Variants in TMC1 observed in about 807,000 individuals in gnomAD.
The protein encoded by TMC1 is transmembrane channel-like protein 1.
A neutral mutation model predicts 105.8 loss-of-function variants in TMC1; 84 were observed. That is an observed-to-expected ratio of 0.79 (90% confidence interval 0.67 to 0.95). The LOEUF (loss-of-function observed/expected upper bound fraction) is 0.95. Ranked by LOEUF, TMC1 falls within the 40% of genes least tolerant of loss-of-function variation. The pLI is 0.00. For missense variants in TMC1, 817 were observed against 914.1 expected (o/e 0.89, Z 1.37); for synonymous variants, 315 against 311.5 (o/e 1.01, Z -0.12).
intron 1 of TMC1, among the ~76,000 whole-genome samples, chr9:72,551,075 A>G (rs569545663): frequency 9.9e-5 from 15 of 152,272 alleles, no homozygotes; most frequent in Non-Finnish European, 1.8e-4. Flanking sequence ...AGATGGAGGA[A>G]GGGGCTGAGA....
chr9:72,677,774 C>G (rs1588026818), intron 5 of TMC1, among the ~76,000 whole-genome samples: 1 of 147,130 alleles, frequency 6.8e-6, no homozygotes, highest in South Asian at 2.1e-4. Context: ...TTGACCTTCC[C>G]TGTCTGTTCC....
At chr9:72,631,375 C>G (rs1400891597) in intron 4 of TMC1, among the ~76,000 whole-genome samples, 1 of 151,998 alleles carries the variant, frequency 6.6e-6, no homozygotes, top group African/African-American at 2.4e-5. Flanking sequence ...GGAGCATGTG[C>G]GTAATTCGTT....
chr9:72,617,008 A>G (rs1481666555), intron 3 of TMC1, among the ~76,000 whole-genome samples: 1 of 152,138 alleles, frequency 6.6e-6, no homozygotes, highest in African/African-American at 2.4e-5. Flanking sequence ...AGGCATTTAT[A>G]TTTCATTTTG....
At chr9:72,734,449 T>C (rs983946422) in intron 8 of TMC1, among the ~76,000 whole-genome samples, 2 of 152,120 alleles carry the variant, frequency 1.3e-5, no homozygotes, top group Non-Finnish European at 2.9e-5. Flanking sequence ...CCATCAGCAT[T>C]TGCCTTAGGA....
chr9:72,661,328 T>G (rs1325214473), intron 5 of TMC1, among the ~76,000 whole-genome samples: 1 of 152,260 alleles, frequency 6.6e-6, no homozygotes, highest in East Asian at 1.9e-4. Context: ...CATTTATACT[T>G]CTCAAGCAGC....
At chr9:72,537,986 TCTTTC>T (rs1251435406) in intron 1 of TMC1, among the ~76,000 whole-genome samples, 1 of 151,936 alleles carries the variant, frequency 6.6e-6, no homozygotes, top group Admixed American at 6.6e-5. Flanking sequence ...TGAGACCCTG[TCTTTC>T]CAAAAAATAA....
chr9:72,824,483 T>C (rs1413865777), intron 20 of TMC1, among the ~76,000 whole-genome samples: 1 of 152,124 alleles, frequency 6.6e-6, no homozygotes, highest in Non-Finnish European at 1.5e-5. Flanking sequence ...TATTGAGTAA[T>C]GAAATTGGCT....
chr9:72,780,164 C>T (rs1434232333), intron 13 of TMC1, among the ~76,000 whole-genome samples: 4 of 152,262 alleles, frequency 2.6e-5, no homozygotes, highest in Admixed American at 1.3e-4. Context: ...CCTAACTAAG[C>T]TTCATAAGCA....
intron 13 of TMC1, among the ~76,000 whole-genome samples, chr9:72,784,139 G>T (rs1828133836): frequency 6.6e-6 from 1 of 151,976 alleles, no homozygotes; most frequent in African/African-American, 2.4e-5. Flanking sequence ...ACAACCAACA[G>T]AATGAGAAAA....
intron 12 of TMC1, among the ~76,000 whole-genome samples, chr9:72,759,566 G>A (rs1025494268): frequency 6.6e-6 from 1 of 152,130 alleles, no homozygotes; most frequent in Non-Finnish European, 1.5e-5. Flanking sequence ...CAAGTTCCGT[G>A]GATGGCAAGT....
rs71495328 is a variant in TMC1, at chr9:72,650,872, T to TTATATATATATATATA, written c.16+2218_16+2219insTATATATATATATATA. Among the ~76,000 whole-genome samples the TTATATATATATATATA allele has an allele frequency of 2.4e-3, 284 of 119,680 alleles. 2 individuals carry two copies. Among genetic ancestry groups the TTATATATATATATATA allele is most frequent in the Middle Eastern group, 8.6e-3 (2 of 232 alleles). 78.5% of individuals were successfully genotyped at this position (119,680 alleles called of 152,430 possible). On this transcript the variant is annotated intron_variant, in intron 5 of 23. Transcript: ENST00000297784. ...GCTGCATGGTATTTCATGGTGTATTTTATATATATAGATATATAGATATAT... is the reference window on the plus strand; with the variant it reads ...GCTGCATGGTATTTCATGGTGTATTTTATATATATATATATATATATATATAGATATATAGATATAT...
chr9:72,625,537 A>C (rs1825331796), intron 3 of TMC1, among the ~76,000 whole-genome samples: 1 of 151,892 alleles, frequency 6.6e-6, no homozygotes, highest in African/African-American at 2.4e-5. Context: ...AAATTCAAAA[A>C]ATTAGCCGGG....
intron 8 of TMC1, among the ~76,000 whole-genome samples, chr9:72,702,778 G>A (rs930768428): frequency 2.6e-5 from 4 of 152,118 alleles, no homozygotes; most frequent in Admixed American, 6.5e-5. Flanking sequence ...GGACCAGACC[G>A]TTCTCAGATC....
chr9:72,779,480 G>A (rs1828057569), intron 13 of TMC1, among the ~76,000 whole-genome samples: 1 of 152,164 alleles, frequency 6.6e-6, no homozygotes, highest in African/African-American at 2.4e-5. Context: ...TTGAGATTTA[G>A]TAGGAAGTTA....
At chr9:72,609,553 A>G (rs1824988310) in intron 2 of TMC1, among the ~76,000 whole-genome samples, 1 of 152,020 alleles carries the variant, frequency 6.6e-6, no homozygotes, top group African/African-American at 2.4e-5. Context: ...AAATAACAAC[A>G]ACAACAAAAA....
intron 1 of TMC1, among the ~76,000 whole-genome samples, chr9:72,525,735 C>G (rs531493044): frequency 6.6e-6 from 1 of 152,324 alleles, no homozygotes; most frequent in African/African-American, 2.4e-5. Context: ...CGCCTGTAAT[C>G]CCAGCACTTT....
At position 72,742,483 on chromosome 9, in the gene TMC1, G is replaced by C. The variant is rs762736726; in HGVS notation, c.493G>C (p.Ala165Pro). 8 of 1,614,000 alleles carry C rather than the reference G, an allele frequency of 5.0e-6. No homozygotes were observed. Among genetic ancestry groups the C allele is most frequent in the African/African-American group, 1.3e-5 (1 of 74,918 alleles). ...KFLRDFENFKAACVPWENKIK... is the reference protein window; with the variant it reads ...KFLRDFENFKPACVPWENKIK... ...CCTCCGTGATTTTGAGAACTTCAAA[G>C]CTGCGTGTGTCCCATGGGAAAATAA... is the stretch of plus-strand genomic sequence containing the variant. Residue 165 changes from alanine to proline, a missense_variant, in exon 10 of 24, where the codon GCT (alanine) becomes CCT (proline). Physicochemically the swap from Ala to Pro is conservative, Grantham distance 27 (BLOSUM62 -1). Transcript: ENST00000297784.
At chr9:72,794,394 A>G (rs1474870757) in intron 17 of TMC1, among the ~76,000 whole-genome samples, 1 of 152,184 alleles carries the variant, frequency 6.6e-6, no homozygotes. Flanking sequence ...GAGAGGGAAC[A>G]TGGCTGCAAC....
intron 13 of TMC1, among the ~76,000 whole-genome samples, chr9:72,784,384 C>T (rs1316405259): frequency 1.3e-5 from 2 of 151,668 alleles, no homozygotes; most frequent in Admixed American, 1.3e-4. Context: ...GATACTATCT[C>T]ACACCAGTCA....
Sources: allele counts gnomAD v4.1 joint callset (sites outside exome capture counted in the v4.1 genomes callset), GRCh38; gene constraint gnomAD v4.1.1; transcripts MANE v1.5; gene names NCBI Gene and HGNC (gene_info 2026-07-23, HGNC 2026-07-21).